Variants in RBL1 observed in about 807,000 individuals in gnomAD.
The protein encoded by RBL1 is RB transcriptional corepressor like 1.
A neutral mutation model predicts 123.0 loss-of-function variants in RBL1; 82 were observed. The ratio of observed to expected loss-of-function variants is 0.67; its 90% confidence interval spans 0.56 to 0.80. The LOEUF is 0.80. Among genes scored for constraint, RBL1 ranks in the 30% least tolerant of loss-of-function variants. RBL1 has a pLI of 0.00. For synonymous variants in RBL1, 405 were observed against 441.3 expected (o/e 0.92, Z 1.03); for missense variants, 1,171 against 1,299.6 (o/e 0.90, Z 1.52).
At chr20:37,049,931 G>C (rs904059402) in intron 11 of RBL1, among the ~76,000 whole-genome samples, 2 of 150,954 alleles carry the variant, frequency 1.3e-5, no homozygotes, top group Non-Finnish European at 3.0e-5. Flanking sequence ...GTGTGGTGGC[G>C]CATCCCTGTA....
chr20:37,088,331 A>C (rs955530708), intron 2 of RBL1, among the ~76,000 whole-genome samples: 1 of 152,072 alleles, frequency 6.6e-6, no homozygotes, highest in Non-Finnish European at 1.5e-5. Context: ...TCAAATGAGA[A>C]AGCAAATGGG....
intron 20 of RBL1, among the ~76,000 whole-genome samples, chr20:37,004,803 G>A (rs985871455): frequency 4.6e-5 from 7 of 151,622 alleles, no homozygotes; most frequent in Admixed American, 3.3e-4. Context: ...CAAGGTGCTC[G>A]GATCACTTGA....
At chr20:37,095,064 GAAT>G (rs1568902061) in intron 1 of RBL1, among the ~76,000 whole-genome samples, 1 of 152,200 alleles carries the variant, frequency 6.6e-6, no homozygotes, top group Admixed American at 6.5e-5. Flanking sequence ...TAAAATGCAA[GAAT>G]GATGGGGAAA....
intron 6 of RBL1, 28 bp downstream of exon 6, chr20:37,066,694 ATC>A: frequency 6.3e-7 from 1 of 1,578,378 alleles, no homozygotes; most frequent in South Asian, 1.1e-5. Context: ...ATCTGTAAAC[ATC>A]TCAGTCATCT....
At chr20:37,049,879 A>G (rs2064878503) in intron 11 of RBL1, among the ~76,000 whole-genome samples, 1 of 152,048 alleles carries the variant, frequency 6.6e-6, no homozygotes, top group Non-Finnish European at 1.5e-5. Flanking sequence ...CCTGACTAAC[A>G]TGGAGAAACC....
At chr20:37,013,147 G>A (rs963161811) in intron 19 of RBL1, among the ~76,000 whole-genome samples, 3 of 152,266 alleles carry the variant, frequency 2.0e-5, no homozygotes, top group Non-Finnish European at 4.4e-5. Context: ...GAATAGAAAG[G>A]GGGGAAAGGT....
At chr20:37,031,113 A>G (rs1159785416) in intron 16 of RBL1, among the ~76,000 whole-genome samples, 1 of 152,140 alleles carries the variant, frequency 6.6e-6, no homozygotes, top group Non-Finnish European at 1.5e-5. Flanking sequence ...AACATAGGGG[A>G]AAAGTTTTAT....
chr20:37,090,959 A>G (rs778336187), intron 1 of RBL1, among the ~76,000 whole-genome samples: 1 of 152,220 alleles, frequency 6.6e-6, no homozygotes, highest in Non-Finnish European at 1.5e-5. Flanking sequence ...AAAAGGTGAC[A>G]TTTGGGAATT....
At chr20:37,018,572 C>T (rs1002586899) in intron 18 of RBL1, among the ~76,000 whole-genome samples, 6 of 152,140 alleles carry the variant, frequency 3.9e-5, no homozygotes, top group African/African-American at 1.4e-4. Flanking sequence ...AAGAGCCTAC[C>T]ATCTAAGATG....
chr20:37,055,360 G>A (rs1170858932), intron 11 of RBL1, among the ~76,000 whole-genome samples, 193 bp downstream of exon 11: 2 of 140,294 alleles, frequency 1.4e-5, no homozygotes, highest in Non-Finnish European at 3.1e-5. Flanking sequence ...GTGTACCAAA[G>A]ATGAACTTTA....
At chr20:37,056,899 AATGTAC>A (rs1307599507) in intron 9 of RBL1, among the ~76,000 whole-genome samples, 3 of 152,150 alleles carry the variant, frequency 2.0e-5, no homozygotes, top group Non-Finnish European at 4.4e-5. Context: ...CACTTAACAT[AATGTAC>A]TAAAGGTTCA....
chr20:37,077,123 G>T (rs2065377075), intron 2 of RBL1, among the ~76,000 whole-genome samples: 1 of 152,058 alleles, frequency 6.6e-6, no homozygotes. Flanking sequence ...GTTTTAGAGA[G>T]ACTGGGTTTC....
At position 37,035,241 on chromosome 20, in the gene RBL1, C is replaced by T; in HGVS notation, c.2170+1G>A. 1 of 1,610,482 alleles carries T rather than the reference C, an allele frequency of 6.2e-7. No homozygotes were observed. Among genetic ancestry groups the T allele is most frequent in the Non-Finnish European group, 8.5e-7 (1 of 1,177,702 alleles). On this transcript the variant is annotated splice_donor_variant, in intron 15 of 21. Transcript: ENST00000373664. LOFTEE classifies it high-confidence loss of function. ...ACAAAACAAATGCACTATAACGTTA[C>T]CATGTAATGGAATTGTAACTTTATG... is the stretch of plus-strand genomic sequence containing the variant.
intron 15 of RBL1, among the ~76,000 whole-genome samples, chr20:37,034,638 A>G (rs1307847385): frequency 3.3e-5 from 5 of 152,104 alleles, no homozygotes; most frequent in Admixed American, 6.6e-5. Context: ...AGATGAGATC[A>G]TGCTGCTGTA....
chr20:37,075,321 G>A (rs2065346899), intron 2 of RBL1, among the ~76,000 whole-genome samples: 1 of 151,984 alleles, frequency 6.6e-6, no homozygotes, highest in South Asian at 2.1e-4. Flanking sequence ...AAAAACCATG[G>A]AACTGTACAG....
intron 16 of RBL1, 146 bp from the exon 17 acceptor site, chr20:37,022,972 G>A: frequency 9.3e-6 from 6 of 648,544 alleles, no homozygotes; most frequent in Non-Finnish European, 1.5e-5. Flanking sequence ...CTAGTTCACT[G>A]CTATGGCAGG....
intron 2 of RBL1, among the ~76,000 whole-genome samples, chr20:37,086,420 C>T (rs907840123): frequency 6.6e-6 from 1 of 151,920 alleles, no homozygotes; most frequent in Non-Finnish European, 1.5e-5. Flanking sequence ...AACCCTCTCC[C>T]TATTAAAAAT....
At chr20:37,050,882 C>T (rs1489978614) in intron 11 of RBL1, among the ~76,000 whole-genome samples, 2 of 151,566 alleles carry the variant, frequency 1.3e-5, no homozygotes, top group African/African-American at 4.8e-5. Context: ...TCACATACTA[C>T]TAAGTGGGAA....
intron 16 of RBL1, among the ~76,000 whole-genome samples, chr20:37,025,812 G>C (rs1040678329): frequency 5.3e-5 from 8 of 150,350 alleles, no homozygotes; most frequent in Non-Finnish European, 8.9e-5. Context: ...GCGTGATCTC[G>C]GCTCACTGCA....
Sources: allele counts gnomAD v4.1 joint callset (sites outside exome capture counted in the v4.1 genomes callset), GRCh38; gene constraint gnomAD v4.1.1; transcripts MANE v1.5; gene names NCBI Gene and HGNC (gene_info 2026-07-23, HGNC 2026-07-21).